The following MYO1B variants were observed in gnomAD, a reference collection of about 807,000 sequenced individuals.
MYO1B encodes the protein myosin IB.
A neutral mutation model predicts 159.7 loss-of-function variants in MYO1B; 72 were observed. That is an observed-to-expected ratio of 0.45 (90% CI 0.37 to 0.55). MYO1B has a LOEUF of 0.55. MYO1B is among the 20% of genes least tolerant of loss of function. MYO1B has a pLI of 0.00. For synonymous variants in MYO1B, 468 were observed against 473.8 expected (o/e 0.99, Z 0.16); for missense variants, 1,062 against 1,364.8 (o/e 0.78, Z 3.50).
At position 191,392,011 on chromosome 2, in the gene MYO1B, G is replaced by A. The variant is rs1574588084; in HGVS notation, c.1983-97G>A. The A allele has an allele frequency of 8.3e-6, 6 of 722,658 alleles. No individual in the cohort carries two copies. In the East Asian group the frequency reaches 1.6e-4, roughly 19 times the overall value. 44.8% of individuals were successfully genotyped at this position (722,658 alleles called of 1,614,324 possible). ...AAGAGCAATTACACTTGGAAATGAA[G>A]CTATGTTTTATACCACTGAGAACCT... On this transcript the variant is annotated intron_variant, in intron 18 of 30. Transcript: ENST00000392318.
intron 23 of MYO1B, chr2:191,401,433 G>A (rs1456481564): frequency 6.6e-6 from 1 of 152,150 alleles, no homozygotes; most frequent in Non-Finnish European, 1.5e-5. Context: ...AGGAATTTCA[G>A]CATCAGCTGT....
chr2:191,386,206 G>T, intron 16 of MYO1B, 122 bp downstream of exon 16: 1 of 809,840 alleles, frequency 1.2e-6, no homozygotes, highest in Non-Finnish European at 2.0e-6. Context: ...CTGCTAAAGT[G>T]GTTGAATCGA....
intron 11 of MYO1B, among the ~76,000 whole-genome samples, chr2:191,367,197 T>G (rs1054419315): frequency 2.0e-5 from 3 of 152,150 alleles, no homozygotes; most frequent in African/African-American, 4.8e-5. Context: ...TAAGTGGGAA[T>G]AGACATTCCT....
intron 2 of MYO1B, among the ~76,000 whole-genome samples, chr2:191,278,317 A>G (rs1687865546): frequency 6.6e-6 from 1 of 152,226 alleles, no homozygotes; most frequent in Admixed American, 6.5e-5. Context: ...CCCATTCATG[A>G]GAGCTCTGTC....
intron 5 of MYO1B, among the ~76,000 whole-genome samples, chr2:191,342,724 G>A (rs1003304461): frequency 1.3e-5 from 2 of 152,144 alleles, no homozygotes; most frequent in African/African-American, 2.4e-5. Flanking sequence ...GCACATGCCT[G>A]TAATCCCAGC....
intron 30 of MYO1B, among the ~76,000 whole-genome samples, chr2:191,423,130 G>A (rs1217858860): frequency 2.0e-5 from 3 of 152,144 alleles, no homozygotes; most frequent in Admixed American, 6.5e-5. Flanking sequence ...ACTTGGGGAT[G>A]TGTACTAAGA....
rs1259491902 is a variant in MYO1B at position 191,289,814 on chromosome 2, TC to T, written c.136-6296del. ...TCAGGATTTAGGGCTTCTAAAGATC[TC>T]TATCTTACCCTGGGAAGAATTATGA... is the stretch of plus-strand genomic sequence containing the variant. On this transcript the variant is annotated intron_variant, in intron 2 of 30. Coordinates refer to ENST00000392318, the MANE Select transcript of MYO1B (RefSeq NM_001130158.3). Among the ~76,000 whole-genome samples, 157 of 152,300 alleles carry T rather than the reference TC, an allele frequency of 1.0e-3. 4 individuals carry two copies. The South Asian group carries it at 0.031, about 30-fold the overall frequency.
At position 191,387,324 on chromosome 2, in the gene MYO1B, C is replaced by G. The variant is rs1695456151; in HGVS notation, c.1655C>G (p.Ser552Cys). 6.2e-7 allele frequency: 1 copy of G among 1,614,082 alleles called. No homozygotes were observed. Among genetic ancestry groups the G allele is most frequent in the Non-Finnish European group, 8.5e-7 (1 of 1,180,048 alleles). Residue 552 changes from serine to cysteine, a missense_variant, in exon 17 of 31, where the codon TCT (serine) becomes TGT (cysteine). By Grantham distance (112) the Ser-to-Cys change is moderately radical. Coordinates refer to ENST00000392318, the MANE Select transcript of MYO1B (RefSeq NM_001130158.3). The stretch of plus-strand genomic sequence containing the variant: ...AAGGCCAGCCATGCCCTCATCAAGT[C>G]TTTGTTCCCCGAAGGGAATCCCGCC... Reference protein sequence around the residue: ...MWKASHALIKSLFPEGNPAKI... With the variant: ...MWKASHALIKCLFPEGNPAKI...
Position 191,402,541 on chromosome 2 carries a change from T to C in MYO1B, c.2470-91T>C, listed in dbSNP as rs1421362567. 1.4e-5 allele frequency: 14 copies of C among 1,015,958 alleles called. No individual in the cohort carries two copies. The African/African-American group carries it at 2.2e-4, about 16-fold the overall frequency. 62.9% of individuals were successfully genotyped at this position (1,015,958 alleles called of 1,614,324 possible). On this transcript the variant is annotated intron_variant, in intron 23 of 30. Transcript: ENST00000392318. ...CATTCTGAAATCCTTATTCATAAAT[T>C]GGCTCTTCTGTTTGGTGGGATATCT...
chr2:191,321,306 G>C (rs1690695658), intron 3 of MYO1B, among the ~76,000 whole-genome samples: 1 of 152,108 alleles, frequency 6.6e-6, no homozygotes, highest in East Asian at 1.9e-4. Flanking sequence ...TCTTGGGATA[G>C]GTGTTTCCAT....
At chr2:191,280,956 AT>A (rs1370657992) in intron 2 of MYO1B, among the ~76,000 whole-genome samples, 4 of 152,190 alleles carry the variant, frequency 2.6e-5, no homozygotes, top group Non-Finnish European at 5.9e-5. Flanking sequence ...TGAACTTCTA[AT>A]GGCAGAGAAG....
intron 3 of MYO1B, among the ~76,000 whole-genome samples, chr2:191,307,549 G>A (rs1024418218): frequency 1.3e-5 from 2 of 151,902 alleles, no homozygotes; most frequent in African/African-American, 2.4e-5. Context: ...TTATTTTATC[G>A]CGCCCCTATT....
intron 1 of MYO1B, among the ~76,000 whole-genome samples, chr2:191,250,138 C>A (rs1686024728): frequency 6.6e-6 from 1 of 152,106 alleles, no homozygotes; most frequent in South Asian, 2.1e-4. Context: ...TGGATGCATC[C>A]CAAGAGTGGA....
Position 191,393,040 on chromosome 2 carries a change from T to C in MYO1B, c.2077-33T>C, listed in dbSNP as rs376828694. ...CTGTATGCTGTGAGGTTTCAGAGGA[T>C]TTTTGATAAGTCCATCTATCATTTC... On this transcript the variant is annotated intron_variant, in intron 19 of 30. Transcript: ENST00000392318. The C allele has an allele frequency of 1.0e-5, 16 of 1,595,094 alleles. No homozygotes were observed. The African/African-American group carries it at 2.2e-4, about 21-fold the overall frequency.
chr2:191,388,696 T>A (rs997159331), intron 17 of MYO1B, among the ~76,000 whole-genome samples: 1 of 152,180 alleles, frequency 6.6e-6, no homozygotes, highest in South Asian at 2.1e-4. Context: ...TATTCTCAAT[T>A]GAATGAATTT....
chr2:191,375,958 CAAA>C (rs56036551), intron 13 of MYO1B, among the ~76,000 whole-genome samples: 3 of 106,298 alleles, frequency 2.8e-5, no homozygotes, highest in Non-Finnish European at 2.1e-5. Flanking sequence ...GACTCCGTAT[CAAA>C]AAAAAAAAAA....
intron 1 of MYO1B, among the ~76,000 whole-genome samples, chr2:191,274,915 T>TC (rs1365950595): frequency 2.0e-5 from 3 of 152,092 alleles, no homozygotes; most frequent in Admixed American, 2.0e-4. Context: ...TTCTTTCTTT[T>TC]CTTTTTTTTT....
chr2:191,292,235 T>C (rs566100101), intron 2 of MYO1B, among the ~76,000 whole-genome samples: 4 of 152,326 alleles, frequency 2.6e-5, no homozygotes, highest in Admixed American at 1.3e-4. Context: ...TTGAGTCATG[T>C]AGGTATTGAT....
At chr2:191,389,598 C>G (rs1323378278) in intron 17 of MYO1B, among the ~76,000 whole-genome samples, 1 of 152,214 alleles carries the variant, frequency 6.6e-6, no homozygotes, top group Non-Finnish European at 1.5e-5. Context: ...GACATTACTT[C>G]CCCTCTGATC....
Sources: gnomAD v4.1 joint callset for allele counts (sites outside exome capture counted in the v4.1 genomes callset) on GRCh38, gnomAD v4.1.1 for gene constraint, MANE v1.5 for transcripts, NCBI Gene and HGNC (gene_info 2026-07-23, HGNC 2026-07-21) for gene names.